HOPX: variants seen among roughly 807,000 people sequenced by gnomAD.
HOPX encodes homeodomain-only protein.
In HOPX, 5 loss-of-function variants were observed where a neutral mutation model predicts 11.8. The ratio of observed to expected loss-of-function variants is 0.43; its 90% CI spans 0.22 to 0.89. The LOEUF (loss-of-function observed/expected upper bound fraction) is 0.89, where lower values mean the gene tolerates loss of function less well. Among genes scored for constraint, HOPX ranks in the 40% least tolerant of loss-of-function variants. HOPX has a pLI of 0.28. For synonymous variants in HOPX, 49 were observed against 49.7 expected (o/e 0.99, Z 0.06); for missense variants, 119 against 120.0 (o/e 0.99, Z 0.04).
At chr4:56,668,204 GAGTA>G (rs1248707140) in intron 1 of HOPX, among the ~76,000 whole-genome samples, 7 of 151,712 alleles carry the variant, frequency 4.6e-5, no homozygotes, top group Non-Finnish European at 1.0e-4. Flanking sequence ...AGATTAACAG[GAGTA>G]AGCCACCACA....
intron 2 of HOPX, 125 bp from the exon 3 acceptor site, chr4:56,656,137 G>T: frequency 8.4e-7 from 1 of 1,192,832 alleles, no homozygotes; most frequent in South Asian, 2.5e-5. Flanking sequence ...GCGGTGCCAC[G>T]GCCGCGCAAG....
chr4:56,673,807 C>T (rs1261180769), intron 1 of HOPX, among the ~76,000 whole-genome samples: 9 of 152,080 alleles, frequency 5.9e-5, no homozygotes, highest in South Asian at 2.1e-4. Context: ...CGGGTTCAAG[C>T]GATTTTCCTG....
chr4:56,656,292 ATCCCTGCC>A, intron 2 of HOPX: 8 of 1,137,036 alleles, frequency 7.0e-6, no homozygotes, highest in Non-Finnish European at 8.6e-6. Context: ...CAGGAACTGT[ATCCCTGCC>A]TGCGACGGGG....
intron 1 of HOPX, chr4:56,659,178 A>G (rs1207662539): frequency 1.3e-5 from 2 of 152,216 alleles, no homozygotes; most frequent in East Asian, 3.9e-4. Flanking sequence ...CAAACCAAGA[A>G]CAAAAGGTTA....
intron 1 of HOPX, among the ~76,000 whole-genome samples, chr4:56,675,915 C>T (rs1192776988): frequency 1.3e-5 from 2 of 151,720 alleles, no homozygotes; most frequent in African/African-American, 4.9e-5. Flanking sequence ...CTTTATAAAC[C>T]ACTCCAAGCC....
chr4:56,652,736 C>T (rs376975901), intron 3 of HOPX, among the ~76,000 whole-genome samples: 1 of 152,186 alleles, frequency 6.6e-6, no homozygotes, highest in African/African-American at 2.4e-5. Context: ...AGAAGGATTG[C>T]CTGAGGCTGG....
At chr4:56,662,934 T>C (rs1718228177) in intron 1 of HOPX, 1 of 152,194 alleles carries the variant, frequency 6.6e-6, no homozygotes, top group African/African-American at 2.4e-5. Flanking sequence ...CACTGTGGGA[T>C]ATAGGCCATT....
chr4:56,680,315 T>G (rs1158389429), intron 1 of HOPX: 1 of 152,168 alleles, frequency 6.6e-6, no homozygotes, highest in Non-Finnish European at 1.5e-5. Context: ...ACTATGGAAT[T>G]AATGCCCTGC....
chr4:56,651,875 T>A (rs11133447), intron 3 of HOPX, among the ~76,000 whole-genome samples: 3,368 of 75,188 alleles, frequency 0.045, 40 homozygotes, highest in Non-Finnish European at 0.049. Flanking sequence ...AGAGAGAGAG[T>A]GTGTGTGTGT....
chr4:56,673,595 G>A (rs910337938), intron 1 of HOPX, among the ~76,000 whole-genome samples: 1 of 152,136 alleles, frequency 6.6e-6, no homozygotes, highest in African/African-American at 2.4e-5. Context: ...TGAAGAGCTG[G>A]TTATTGACCT....
At chr4:56,659,819 T>C (rs1047971907) in intron 1 of HOPX, among the ~76,000 whole-genome samples, 25 of 152,248 alleles carry the variant, frequency 1.6e-4, no homozygotes, top group Admixed American at 1.0e-3. Context: ...CTGTATATCA[T>C]CTTAACATTT....
chr4:56,667,035 G>A (rs1479498062), intron 1 of HOPX, among the ~76,000 whole-genome samples: 1 of 152,198 alleles, frequency 6.6e-6, no homozygotes, highest in African/African-American at 2.4e-5. Flanking sequence ...AGGTTTTGGT[G>A]CAGATATTGA....
chr4:56,681,694 G>A (rs1324312531), upstream of HOPX: 4 of 997,938 alleles, frequency 4.0e-6, no homozygotes, highest in Non-Finnish European at 4.8e-6. Flanking sequence ...ATTTCAAAGC[G>A]TAGATCTGGT....
chr4:56,655,212 G>C (rs1717566692), intron 3 of HOPX, among the ~76,000 whole-genome samples: 1 of 152,168 alleles, frequency 6.6e-6, no homozygotes, highest in African/African-American at 2.4e-5. Context: ...CCTTAGAGCC[G>C]GGGAATTTTT....
intron 1 of HOPX, among the ~76,000 whole-genome samples, chr4:56,669,023 G>C (rs140453564): frequency 6.6e-6 from 1 of 152,102 alleles, no homozygotes; most frequent in African/African-American, 2.4e-5. Context: ...AGTGTAAAAC[G>C]GCATATGCAT....
chr4:56,654,816 C>G (rs1024886381), intron 3 of HOPX, among the ~76,000 whole-genome samples: 4 of 152,108 alleles, frequency 2.6e-5, no homozygotes, highest in Admixed American at 6.5e-5. Flanking sequence ...GCCTGATGCT[C>G]TGGTATATAA....
intron 1 of HOPX, chr4:56,672,714 C>T (rs62309875): frequency 0.19 from 28,368 of 151,866 alleles, 3,319 homozygotes; most frequent in Middle Eastern, 0.33. Context: ...AGGCTGGTCT[C>T]GAACTCCTGA....
intron 1 of HOPX, chr4:56,672,644 T>C (rs1393160508): frequency 6.6e-6 from 1 of 152,026 alleles, no homozygotes; most frequent in African/African-American, 2.4e-5. Context: ...TTACTTGAGA[T>C]GGAGTCTCAC....
At chr4:56,673,545 A>G (rs972324952) in intron 1 of HOPX, among the ~76,000 whole-genome samples, 6 of 152,166 alleles carry the variant, frequency 3.9e-5, no homozygotes, top group African/African-American at 1.4e-4. Context: ...CTGCAGCCCC[A>G]CCAATCCTTG....
Sources: gnomAD v4.1 joint callset for allele counts (sites outside exome capture counted in the v4.1 genomes callset) on GRCh38, gnomAD v4.1.1 for gene constraint, MANE v1.5 for transcripts, NCBI Gene and HGNC (gene_info 2026-07-23, HGNC 2026-07-21) for gene names.